Variants in RGS7BP observed in about 807,000 individuals in gnomAD.
The protein encoded by RGS7BP is regulator of G protein signaling 7 binding protein, also known as regulator of G protein signaling 7-binding protein.
Under a neutral mutation model 31.3 loss-of-function variants are expected in RGS7BP, and 9 were observed. The ratio of observed to expected loss-of-function variants is 0.29; its 90% CI spans 0.17 to 0.50. RGS7BP has a LOEUF of 0.50. Among genes scored for constraint, RGS7BP ranks in the 20% least tolerant of loss-of-function variants. The pLI is 0.98. For synonymous variants in RGS7BP, 115 were observed against 120.1 expected (o/e 0.96, Z 0.28); for missense variants, 274 against 322.0 (o/e 0.85, Z 1.14).
intron 5 of RGS7BP, among the ~76,000 whole-genome samples, chr5:64,607,354 G>C (rs572321627): frequency 6.6e-6 from 1 of 152,086 alleles, no homozygotes; most frequent in Non-Finnish European, 1.5e-5. Flanking sequence ...GAGGTCCTGA[G>C]AACATGTGCC....
intron 3 of RGS7BP, among the ~76,000 whole-genome samples, chr5:64,580,188 G>C (rs138875466): frequency 6.6e-6 from 1 of 152,288 alleles, no homozygotes; most frequent in East Asian, 1.9e-4. Context: ...GACAAATTAA[G>C]AGACATAACA....
At chr5:64,534,848 AT>A (rs1554054903) in intron 2 of RGS7BP, among the ~76,000 whole-genome samples, 1 of 152,200 alleles carries the variant, frequency 6.6e-6, no homozygotes. Context: ...GGATGAGTTC[AT>A]GTAGGGAGAT....
intron 5 of RGS7BP, among the ~76,000 whole-genome samples, chr5:64,599,024 T>C (rs1378100491): frequency 6.6e-6 from 1 of 152,042 alleles, no homozygotes. Flanking sequence ...CCTATGGGAG[T>C]ATATGCCCTA....
At chr5:64,507,632 CCT>C (rs1748731087) in intron 1 of RGS7BP, 77 bp from the exon 2 acceptor site, 1 of 1,353,636 alleles carries the variant, frequency 7.4e-7, no homozygotes, top group Admixed American at 2.3e-5. Context: ...AGTGAAAGCC[CCT>C]GTTTATGTAC....
At chr5:64,563,340 T>C (rs1040481876) in intron 2 of RGS7BP, among the ~76,000 whole-genome samples, 1 of 152,148 alleles carries the variant, frequency 6.6e-6, no homozygotes, top group East Asian at 1.9e-4. Flanking sequence ...AATTCATATG[T>C]TGAAGTCTTA....
intron 5 of RGS7BP, among the ~76,000 whole-genome samples, chr5:64,605,962 GCTATATATATGTATATCTGGATACATAT>G (rs1743346390): frequency 7.0e-6 from 1 of 142,520 alleles, no homozygotes. Flanking sequence ...ATATATATAT[GCTATATATATGTATATCTGGATACATAT>G]ATATATGCTA....
intron 3 of RGS7BP, among the ~76,000 whole-genome samples, chr5:64,587,093 A>G (rs575142916): frequency 6.6e-6 from 1 of 152,276 alleles, no homozygotes; most frequent in South Asian, 2.1e-4. Context: ...TCAGGGGGAA[A>G]ACAAGGAAAA....
intron 2 of RGS7BP, among the ~76,000 whole-genome samples, chr5:64,508,301 C>T (rs1372467557): frequency 6.6e-6 from 1 of 152,048 alleles, no homozygotes; most frequent in Non-Finnish European, 1.5e-5. Context: ...ACTATTTATA[C>T]CATGAGATAA....
chr5:64,538,363 T>C (rs1489497302), intron 2 of RGS7BP, among the ~76,000 whole-genome samples: 1 of 151,946 alleles, frequency 6.6e-6, no homozygotes, highest in Admixed American at 6.6e-5. Flanking sequence ...AGTCAATCCC[T>C]TCCCCTTTTC....
At chr5:64,594,986 TAGTGCTGTC>T in intron 4 of RGS7BP, 129 bp downstream of exon 4, 2 of 989,204 alleles carry the variant, frequency 2.0e-6, no homozygotes, top group African/African-American at 3.2e-5. Flanking sequence ...CAGAGGAGCA[TAGTGCTGTC>T]AGGGACCCTG....
intron 3 of RGS7BP, among the ~76,000 whole-genome samples, chr5:64,588,939 A>T (rs917292388): frequency 2.6e-5 from 4 of 152,210 alleles, no homozygotes; most frequent in African/African-American, 7.2e-5. Flanking sequence ...TAAAAAAAAA[A>T]TAAATATCTA....
chr5:64,565,485 T>C (rs1488879831), intron 2 of RGS7BP, among the ~76,000 whole-genome samples: 1 of 152,130 alleles, frequency 6.6e-6, no homozygotes, highest in African/African-American at 2.4e-5. Flanking sequence ...GTTCTGTTTA[T>C]ACGTATTATT....
chr5:64,519,909 T>C (rs557371986), intron 2 of RGS7BP, among the ~76,000 whole-genome samples: 136 of 152,140 alleles, frequency 8.9e-4, no homozygotes, highest in Non-Finnish European at 1.9e-4. Flanking sequence ...GGATGGGAGC[T>C]GAGATTATTT....
chr5:64,596,347 C>CT lies in RGS7BP; in HGVS notation c.611+1491dup, dbSNP rs1435517671. On this transcript the variant is annotated intron_variant, in intron 4 of 5. Transcript: ENST00000334025. ...GAGAGATCATGGGTCTCAAACTGGA[C>CT]TGCACAGTTAAGTCATCAGGAGGGA... is the stretch of plus-strand genomic sequence containing the variant. Among the ~76,000 whole-genome samples the CT allele has an allele frequency of 1.2e-4, 19 of 152,304 alleles. No individual in the cohort carries two copies. In the East Asian group the frequency reaches 2.9e-3, roughly 23 times the overall value.
intron 5 of RGS7BP, among the ~76,000 whole-genome samples, chr5:64,607,457 A>G (rs1157187799): frequency 2.0e-5 from 3 of 152,056 alleles, no homozygotes; most frequent in Non-Finnish European, 2.9e-5. Flanking sequence ...TTGGTCTGGA[A>G]AAGCGGGACA....
chr5:64,564,739 T>G (rs1054692211), intron 2 of RGS7BP, among the ~76,000 whole-genome samples: 21 of 152,094 alleles, frequency 1.4e-4, no homozygotes, highest in Admixed American at 2.0e-4. Flanking sequence ...TTCCTTGCGC[T>G]GTAAGCCAGC....
intron 2 of RGS7BP, among the ~76,000 whole-genome samples, chr5:64,535,660 C>G (rs1741333192): frequency 6.6e-6 from 1 of 152,222 alleles, no homozygotes; most frequent in Admixed American, 6.5e-5. Context: ...CATTCCTATT[C>G]AACTTAAAAC....
At chr5:64,573,492 C>A (rs994798396) in intron 2 of RGS7BP, 1 of 151,776 alleles carries the variant, frequency 6.6e-6, no homozygotes, top group African/African-American at 2.4e-5. Flanking sequence ...GCTAATTGTC[C>A]CACTCATAAA....
intron 2 of RGS7BP, among the ~76,000 whole-genome samples, chr5:64,571,371 A>G (rs1205707160): frequency 6.6e-6 from 1 of 152,156 alleles, no homozygotes; most frequent in East Asian, 1.9e-4. Flanking sequence ...TCTAAATAAA[A>G]TACCATGAAT....
Sources: allele counts gnomAD v4.1 joint callset (sites outside exome capture counted in the v4.1 genomes callset), GRCh38; gene constraint gnomAD v4.1.1; transcripts MANE v1.5; gene names NCBI Gene and HGNC (gene_info 2026-07-23, HGNC 2026-07-21).